CLVS1: variants seen among roughly 807,000 people sequenced by gnomAD.
The protein encoded by CLVS1 is clavesin 1.
A neutral mutation model predicts 33.1 loss-of-function variants in CLVS1; 10 were observed. That is an observed-to-expected ratio of 0.30 (90% CI 0.19 to 0.51). The LOEUF (loss-of-function observed/expected upper bound fraction) is 0.51, where lower values mean the gene tolerates loss of function less well. CLVS1 is among the 20% of genes least tolerant of loss of function. The pLI, the probability that CLVS1 is intolerant of heterozygous loss-of-function variation, is 0.97. For synonymous variants in CLVS1, 163 were observed against 166.1 expected (o/e 0.98, Z 0.14); for missense variants, 343 against 433.4 (o/e 0.79, Z 1.85).
chr8:61,327,060 G>A (rs760516871), intron 2 of CLVS1, among the ~76,000 whole-genome samples: 2 of 152,126 alleles, frequency 1.3e-5, no homozygotes, highest in Non-Finnish European at 2.9e-5. Context: ...TATGCTGGAA[G>A]ATTCACACAT....
intron 1 of CLVS1, among the ~76,000 whole-genome samples, chr8:61,077,308 T>C (rs1211427314): frequency 1.3e-5 from 2 of 151,848 alleles, no homozygotes; most frequent in Non-Finnish European, 2.9e-5. Flanking sequence ...CCTGACCCCG[T>C]GATCCACCCG....
intron 1 of CLVS1, among the ~76,000 whole-genome samples, chr8:61,298,840 A>G (rs1444270929): frequency 6.6e-6 from 1 of 152,104 alleles, no homozygotes; most frequent in East Asian, 1.9e-4. Flanking sequence ...GGGGATTAAA[A>G]TATCATTATC....
chr8:61,028,416 C>A, the CLVS1 span, among the ~76,000 whole-genome samples: 1 of 152,072 alleles, frequency 6.6e-6, no homozygotes, highest in East Asian at 1.9e-4. Context: ...AAATTAATAC[C>A]AAATGAATTC....
chr8:61,355,809 A>G (rs1045208236), intron 2 of CLVS1, among the ~76,000 whole-genome samples: 6 of 152,136 alleles, frequency 3.9e-5, no homozygotes, highest in Non-Finnish European at 8.8e-5. Flanking sequence ...AATCCAGTCT[A>G]TCATTGTTGG....
chr8:61,306,923 A>T (rs1810648622), intron 2 of CLVS1, among the ~76,000 whole-genome samples: 2 of 152,244 alleles, frequency 1.3e-5, no homozygotes, highest in Admixed American at 1.3e-4. Flanking sequence ...CACTATGGGT[A>T]CATAAGTGCA....
chr8:61,435,966 C>T (rs1402598482), intron 3 of CLVS1, among the ~76,000 whole-genome samples: 1 of 152,096 alleles, frequency 6.6e-6, no homozygotes, highest in African/African-American at 2.4e-5. Context: ...TTGTAACATC[C>T]ACAAATAAAC....
chr8:61,146,717 G>A (rs1460441735), intron 2 of CLVS1, among the ~76,000 whole-genome samples: 2 of 152,246 alleles, frequency 1.3e-5, no homozygotes, highest in African/African-American at 2.4e-5. Context: ...AAATGGCGAG[G>A]AGCATTATTG....
the CLVS1 span, among the ~76,000 whole-genome samples, chr8:60,968,484 C>A: frequency 6.7e-6 from 1 of 149,496 alleles, no homozygotes; most frequent in South Asian, 2.1e-4. Context: ...CCACTGCACT[C>A]CAGCCTGGCC....
intron 3 of CLVS1, among the ~76,000 whole-genome samples, chr8:61,450,214 C>T (rs1353767845): frequency 1.3e-5 from 2 of 152,166 alleles, no homozygotes; most frequent in African/African-American, 4.8e-5. Flanking sequence ...GCTGCACCAC[C>T]TAACTGAGGG....
intron 2 of CLVS1, chr8:61,202,365 G>A: frequency 1.3e-6 from 1 of 746,062 alleles, no homozygotes; most frequent in Non-Finnish European, 2.5e-6. Flanking sequence ...AAGATCTGAT[G>A]GACGTGGACA....
the CLVS1 span, among the ~76,000 whole-genome samples, chr8:61,037,239 A>T: frequency 1.3e-5 from 2 of 152,114 alleles, no homozygotes; most frequent in Non-Finnish European, 2.9e-5. Flanking sequence ...ATTTTTGCAC[A>T]ATTAATGGGT....
intron 1 of CLVS1, among the ~76,000 whole-genome samples, chr8:61,294,124 A>G (rs371950245): frequency 2.0e-4 from 30 of 152,232 alleles, no homozygotes; most frequent in East Asian, 1.2e-3. Flanking sequence ...TTTAGGACTG[A>G]CAGGGTGTGG....
chr8:61,384,503 C>A (rs1585894319), intron 3 of CLVS1, among the ~76,000 whole-genome samples: 1 of 151,932 alleles, frequency 6.6e-6, no homozygotes, highest in African/African-American at 2.4e-5. Flanking sequence ...GGGTTGGCTG[C>A]GTGGGAAGTG....
the CLVS1 span, among the ~76,000 whole-genome samples, chr8:61,019,791 C>G: frequency 6.6e-6 from 1 of 152,006 alleles, no homozygotes; most frequent in Non-Finnish European, 1.5e-5. Flanking sequence ...CATCATCCTG[C>G]AATTGTACCT....
At chr8:61,095,167 C>A (rs7007969) in intron 1 of CLVS1, among the ~76,000 whole-genome samples, 23 of 152,156 alleles carry the variant, frequency 1.5e-4, no homozygotes, top group South Asian at 4.2e-4. Flanking sequence ...TGAACTCGCC[C>A]TACCTAGTTA....
At chr8:61,273,562 G>A (rs532229878) in intron 2 of CLVS1, among the ~76,000 whole-genome samples, 2 of 152,294 alleles carry the variant, frequency 1.3e-5, no homozygotes, top group East Asian at 3.9e-4. Flanking sequence ...AATCAAGCCC[G>A]GGCAATGGCG....
chr8:61,465,280 G>A (rs1283381427), intron 5 of CLVS1: 1 of 152,116 alleles, frequency 6.6e-6, no homozygotes, highest in Non-Finnish European at 1.5e-5. Context: ...AGTGGGCTTT[G>A]TGCACCGACC....
chr8:61,029,879 G>A, the CLVS1 span, among the ~76,000 whole-genome samples: 1 of 152,174 alleles, frequency 6.6e-6, no homozygotes, highest in Non-Finnish European at 1.5e-5. Context: ...CTCCATCAGG[G>A]TGATTTTATA....
chr8:61,330,414 T>C (rs754238481), intron 2 of CLVS1, among the ~76,000 whole-genome samples: 23 of 152,182 alleles, frequency 1.5e-4, no homozygotes, highest in Non-Finnish European at 2.9e-4. Flanking sequence ...TGTATTCTAA[T>C]GGGGGACGTT....
Sources: allele counts gnomAD v4.1 joint callset (sites outside exome capture counted in the v4.1 genomes callset), GRCh38; gene constraint gnomAD v4.1.1; transcripts MANE v1.5; gene names NCBI Gene and HGNC (gene_info 2026-07-23, HGNC 2026-07-21).